The following P2RX7 variants were observed in gnomAD, a reference collection of about 807,000 sequenced individuals.
P2RX7 encodes P2X purinoceptor 7.
In P2RX7, 62 loss-of-function variants were observed where a neutral mutation model predicts 71.6. The observed-to-expected ratio is 0.87, with a 90% CI of 0.71 to 1.07. The LOEUF (loss-of-function observed/expected upper bound fraction) is 1.07. P2RX7 is among the 50% of genes least tolerant of loss of function. The pLI, the probability that P2RX7 is intolerant of heterozygous loss-of-function variation, is 0.00. For missense variants in P2RX7, 686 were observed against 748.5 expected (o/e 0.92, Z 0.97); for synonymous variants, 299 against 283.3 (o/e 1.06, Z -0.56).
intron 5 of P2RX7, among the ~76,000 whole-genome samples, chr12:121,162,767 T>C (rs1426841795): frequency 6.6e-6 from 1 of 152,062 alleles, no homozygotes; most frequent in African/African-American, 2.4e-5. Flanking sequence ...CTGAGCATCC[T>C]TGGGTGTCCC....
chr12:121,161,367 TTTTTA>T (rs1034071971), intron 4 of P2RX7, among the ~76,000 whole-genome samples: 1 of 152,218 alleles, frequency 6.6e-6, no homozygotes, highest in Non-Finnish European at 1.5e-5. Flanking sequence ...TTTTTTTTGT[TTTTTA>T]TTTTATTTTA....
chr12:121,135,860 C>T (rs957231118), intron 1 of P2RX7, among the ~76,000 whole-genome samples: 6 of 149,788 alleles, frequency 4.0e-5, no homozygotes, highest in East Asian at 3.9e-4. Context: ...AAAAATTAGC[C>T]GGGCATGGTG....
chr12:121,151,917 G>T (rs138309674), intron 1 of P2RX7, among the ~76,000 whole-genome samples: 1,941 of 152,226 alleles, frequency 0.013, 31 homozygotes, highest in Non-Finnish European at 0.015. Context: ...TTAGCTGGGT[G>T]TGGTGGCACG....
chr12:121,163,695 C>T (rs945670807), intron 5 of P2RX7, among the ~76,000 whole-genome samples: 2 of 152,120 alleles, frequency 1.3e-5, no homozygotes, highest in African/African-American at 4.8e-5. Flanking sequence ...TGGGCTCAAG[C>T]GATCCTCCTG....
rs909034504 is a variant in P2RX7 at position 121,180,371 on chromosome 12, C to T, written c.1206C>T (p.Ser402=). Residue 402 remains serine (S), a synonymous_variant, in exon 12 of 13, where the codon TCC becomes TCT. Coordinates refer to ENST00000328963, the MANE Select transcript of P2RX7 (RefSeq NM_002562.6). The part of the protein sequence containing the change: ...VEPKPTLKYV[S]FVDESHIRMV... ...TTTCCTAGACATTAAAGTATGTGTC[C>T]TTTGTGGATGAATCCCACATTAGGA... 7 of 1,590,542 alleles carry T rather than the reference C, an allele frequency of 4.4e-6. No homozygotes were observed. The highest frequency in any genetic ancestry group is 1.4e-5 in the African/African-American group (1 of 73,964).
intron 3 of P2RX7, 100 bp downstream of exon 3, chr12:121,156,247 C>A: frequency 1.1e-6 from 1 of 951,652 alleles, no homozygotes; most frequent in Non-Finnish European, 1.7e-6. Context: ...TGTATTTGAG[C>A]CCACAGATAT....
chr12:121,165,366 C>T lies in P2RX7; in HGVS notation c.543C>T (p.Leu181=), dbSNP rs1397598926. The change falls in exon 6 of 13, where the codon CTC becomes CTT. Residue 181 remains leucine, a synonymous_variant. Transcript: ENST00000328963. ...CATGTCTCTCTCCCAGGCCTGCTCT[C>T]TTGAACAGTGCCGAAAACTTCACTG... ...EAVEEAPRPA[L]LNSAENFTVL... 1.2e-6 allele frequency: 2 copies of T among 1,614,012 alleles called. No individual in the cohort carries two copies. Among genetic ancestry groups the T allele is most frequent in the Admixed American group, 1.7e-5 (1 of 60,004 alleles).
chr12:121,153,796 C>A (rs1399867738), intron 1 of P2RX7, among the ~76,000 whole-genome samples: 1 of 151,962 alleles, frequency 6.6e-6, no homozygotes, highest in Non-Finnish European at 1.5e-5. Context: ...GAGTACTTGG[C>A]ACATATGAAG....
intron 9 of P2RX7, among the ~76,000 whole-genome samples, chr12:121,176,859 C>T (rs1489856592): frequency 6.6e-6 from 1 of 152,036 alleles, no homozygotes; most frequent in African/African-American, 2.4e-5. Context: ...AAACCCTCAC[C>T]TTGTATGGAG....
intron 1 of P2RX7, among the ~76,000 whole-genome samples, chr12:121,148,202 T>C (rs1876632841): frequency 6.7e-6 from 1 of 149,850 alleles, no homozygotes; most frequent in Admixed American, 6.7e-5. Context: ...ATTTATTTAT[T>C]TATTTATTTA....
intron 1 of P2RX7, among the ~76,000 whole-genome samples, chr12:121,143,216 T>C (rs1764697392): frequency 7.0e-6 from 1 of 142,302 alleles, no homozygotes; most frequent in African/African-American, 2.8e-5. Flanking sequence ...AAAGTCTCTC[T>C]CTACTAAAAA....
intron 12 of P2RX7, among the ~76,000 whole-genome samples, chr12:121,181,813 C>T (rs1297535762): frequency 7.2e-5 from 11 of 152,122 alleles, no homozygotes; most frequent in Admixed American, 7.2e-4. Context: ...GCCAAGATTG[C>T]ACCACTTTGA....
At chr12:121,159,442 A>G (rs1011825644) in intron 3 of P2RX7, among the ~76,000 whole-genome samples, 1 of 146,830 alleles carries the variant, frequency 6.8e-6, no homozygotes, top group Non-Finnish European at 1.5e-5. Context: ...AAAAAAAAAG[A>G]CAAATCTGTT....
At chr12:121,173,719 T>C (rs937635599) in intron 8 of P2RX7, among the ~76,000 whole-genome samples, 1 of 152,224 alleles carries the variant, frequency 6.6e-6, no homozygotes, top group African/African-American at 2.4e-5. Context: ...GCCAGTAGGT[T>C]CTGAGTTACA....
intron 1 of P2RX7, among the ~76,000 whole-genome samples, chr12:121,143,419 T>C (rs1347660207): frequency 6.6e-6 from 1 of 150,932 alleles, no homozygotes; most frequent in Non-Finnish European, 1.5e-5. Context: ...CCAGGCATGG[T>C]GCTGCGTGCC....
chr12:121,175,130 C>CAA (rs1882848326), intron 8 of P2RX7, among the ~76,000 whole-genome samples: 1 of 151,770 alleles, frequency 6.6e-6, no homozygotes, highest in Non-Finnish European at 1.5e-5. Flanking sequence ...GGCAACATGG[C>CAA]AAAAGCCCGT....
rs764748109 is a variant in P2RX7 at position 121,167,482 on chromosome 12, C to T, written c.745-6C>T. 1 of 1,613,894 alleles carries T rather than the reference C, an allele frequency of 6.2e-7. No individual in the cohort carries two copies. The highest frequency in any genetic ancestry group is 8.5e-7 in the Non-Finnish European group (1 of 1,179,920). ...CCATAGAGACTGTCCCTTGTTGATC[C>T]TTCAGGGCGGAATAATGGGCATTGA... On this transcript the variant is annotated splice_region_variant and splice_polypyrimidine_tract_variant and intron_variant, in intron 7 of 12. Transcript: ENST00000328963.
intron 8 of P2RX7, among the ~76,000 whole-genome samples, chr12:121,169,717 G>A: frequency 6.6e-6 from 1 of 152,150 alleles, no homozygotes; most frequent in Non-Finnish European, 1.5e-5. Context: ...GCTAGCCTGG[G>A]CAACATAGGG....
chr12:121,166,387 C>T (rs1308770463), intron 7 of P2RX7, among the ~76,000 whole-genome samples, 200 bp downstream of exon 7: 1 of 152,206 alleles, frequency 6.6e-6, no homozygotes, highest in Admixed American at 6.5e-5. Flanking sequence ...GTGAGAGCTA[C>T]TTGGTGTATT....
Sources: allele counts gnomAD v4.1 joint callset (sites outside exome capture counted in the v4.1 genomes callset), GRCh38; gene constraint gnomAD v4.1.1; transcripts MANE v1.5; gene names NCBI Gene and HGNC (gene_info 2026-07-23, HGNC 2026-07-21).